Variants in TOLLIP observed in about 807,000 individuals in gnomAD.
TOLLIP encodes toll interacting protein.
TOLLIP carries 16 observed loss-of-function variants against 33.5 expected under a neutral mutation model. The observed-to-expected ratio is 0.48, with a 90% CI of 0.32 to 0.72. The LOEUF (loss-of-function observed/expected upper bound fraction) is 0.72, where lower values mean the gene tolerates loss of function less well. TOLLIP is among the 30% of genes least tolerant of loss of function. The pLI is 0.03. For synonymous variants in TOLLIP, 176 were observed against 163.7 expected (o/e 1.07, Z -0.57); for missense variants, 325 against 396.6 (o/e 0.82, Z 1.53).
rs545697334 is a variant in TOLLIP, at chr11:1,278,999, C to T, written c.611-1746G>A. On this transcript the variant is annotated intron_variant, in intron 5 of 5. Transcript: ENST00000317204. This position sits in a 1 kb window ranked among gnomAD's most constrained non-coding sequence, Gnocchi z 4.7. ...CGGCCATCGCCTGTCCCTGCCCACA[C>T]GTCTCCCCACAGCGTGGCAACATGA... Among the ~76,000 whole-genome samples the T allele has an allele frequency of 6.8e-4, 103 of 152,328 alleles. No individual in the cohort carries two copies. Among genetic ancestry groups the T allele is most frequent in the African/African-American group, 2.2e-3 (91 of 41,574 alleles).
chr11:1,278,307 C>A lies in TOLLIP; in HGVS notation c.611-1054G>T, dbSNP rs1340554956. 6.6e-6 allele frequency among the ~76,000 whole-genome samples: 1 copy of A among 152,150 alleles called. No individual in the cohort carries two copies. The highest frequency in any genetic ancestry group is 2.1e-4 in the South Asian group (1 of 4,816). On this transcript the variant is annotated intron_variant, in intron 5 of 5. Transcript: ENST00000317204. This position sits in a 1 kb window ranked among gnomAD's most constrained non-coding sequence, Gnocchi z 4.7. Reference sequence around the variant, plus strand: ...GCAGTGCAAGGGTTCACTGCTCACCCGTTCATTCACCTTTAAAAGCACGAA... The same window carrying A: ...GCAGTGCAAGGGTTCACTGCTCACCAGTTCATTCACCTTTAAAAGCACGAA...
rs368436119 is a variant in TOLLIP at position 1,276,926 on chromosome 11, A to G, written c.*113T>C. On this transcript the variant is annotated 3_prime_UTR_variant, in exon 6 of 6. Coordinates refer to ENST00000317204, the MANE Select transcript of TOLLIP (RefSeq NM_019009.4). ...ACGGGGCGGCACAGAAGTCCACGGGAGGGGGCGACACGGGTGCTCTTTCAC... is the reference window on the plus strand; with the variant it reads ...ACGGGGCGGCACAGAAGTCCACGGGGGGGGGCGACACGGGTGCTCTTTCAC... 1.9e-6 allele frequency: 3 copies of G among 1,574,918 alleles called. No individual in the cohort carries two copies. The highest frequency in any genetic ancestry group is 8.6e-7 in the Non-Finnish European group (1 of 1,160,128).
intron 4 of TOLLIP, among the ~76,000 whole-genome samples, chr11:1,286,834 T>C (rs1863717286): frequency 6.6e-6 from 1 of 152,046 alleles, no homozygotes; most frequent in Admixed American, 6.5e-5. Flanking sequence ...TGCACTGCTG[T>C]CGTCTCTGAG....
chr11:1,284,629 A>G (rs1284577737), intron 5 of TOLLIP, among the ~76,000 whole-genome samples: 3 of 152,120 alleles, frequency 2.0e-5, no homozygotes, highest in Non-Finnish European at 2.9e-5. Flanking sequence ...GATTAGAGGC[A>G]TGAGCCCCCA....
chr11:1,278,406 T>TG lies in TOLLIP; in HGVS notation c.611-1154dup, dbSNP rs1863381543. The stretch of plus-strand genomic sequence containing the variant: ...TAGGACTTTTGTTCCTTTCTACACT[T>TG]GGAGGATCCTAAAGGCAGCAGAAGC... On this transcript the variant is annotated intron_variant, in intron 5 of 5. Coordinates refer to ENST00000317204, the MANE Select transcript of TOLLIP (RefSeq NM_019009.4). The surrounding 1 kb of genome is among the most constrained non-coding windows in gnomAD (Gnocchi z 4.7). Among the ~76,000 whole-genome samples the TG allele has an allele frequency of 2.0e-5, 3 of 152,130 alleles. No homozygotes were observed.
In TOLLIP at chr11:1,282,761, C is replaced by T. The variant is rs183058617; in HGVS notation, c.610+3241G>A. Among the ~76,000 whole-genome samples the T allele has an allele frequency of 6.8e-4, 103 of 151,508 alleles. No individual in the cohort carries two copies. The East Asian group carries it at 0.019, about 28-fold the overall frequency. ...AAACCTGCACGTTGTGCACATGTACCCTAAAACTTAAAGTATAATTAAAAT... is the reference window on the plus strand; with the variant it reads ...AAACCTGCACGTTGTGCACATGTACTCTAAAACTTAAAGTATAATTAAAAT... On this transcript the variant is annotated intron_variant, in intron 5 of 5. Transcript: ENST00000317204.
At chr11:1,294,988 G>A (rs1394022036) in intron 2 of TOLLIP, among the ~76,000 whole-genome samples, 1 of 111,734 alleles carries the variant, frequency 8.9e-6, no homozygotes, top group Non-Finnish European at 1.8e-5. Context: ...GCATTTCTAC[G>A]AAAGCCCGCG....
At chr11:1,309,405 CA>C in intron 1 of TOLLIP, 60 bp downstream of exon 1, 1 of 1,060,070 alleles carries the variant, frequency 9.4e-7, no homozygotes, top group South Asian at 3.1e-5. Context: ...AGCCCTGACC[CA>C]AGGCCCCGCC....
At chr11:1,297,357 C>T (rs376895247) in intron 1 of TOLLIP, among the ~76,000 whole-genome samples, 4 of 152,174 alleles carry the variant, frequency 2.6e-5, no homozygotes, top group East Asian at 3.9e-4. Context: ...CACCTGTGTC[C>T]CCATCTAAGG....
intron 5 of TOLLIP, among the ~76,000 whole-genome samples, chr11:1,284,318 G>A (rs745892746): frequency 2.0e-5 from 3 of 151,770 alleles, no homozygotes; most frequent in Non-Finnish European, 4.4e-5. Flanking sequence ...CCTCGGTGAC[G>A]GGGTGCAGGT....
chr11:1,287,797 C>T lies in TOLLIP; in HGVS notation c.519+827G>A, dbSNP rs1198242281. 3.6e-4 allele frequency among the ~76,000 whole-genome samples: 8 copies of T among 22,472 alleles called. 2 individuals carry two copies. Among genetic ancestry groups the T allele is most frequent in the South Asian group, 5.1e-3 (2 of 396 alleles). The allele number at this position is 22,472 out of a possible 152,430, so 14.7% of individuals were successfully genotyped here. A position where few individuals can be genotyped will look rare whatever the true frequency, so the allele number is the denominator to read the frequency against. On this transcript the variant is annotated intron_variant, in intron 4 of 5. Coordinates refer to ENST00000317204, the MANE Select transcript of TOLLIP (RefSeq NM_019009.4). The stretch of plus-strand genomic sequence containing the variant: ...AGCCTCCCCGCCGCACCCTCCCTGC[C>T]GCAGCCTCCCCGCCGCAGCCTCCCC...
chr11:1,301,784 C>T (rs1184716458), intron 1 of TOLLIP, among the ~76,000 whole-genome samples: 1 of 152,202 alleles, frequency 6.6e-6, no homozygotes, highest in Non-Finnish European at 1.5e-5. Context: ...AGCTGGGACC[C>T]ACAGCAGGAA....
chr11:1,284,929 G>A (rs1863637589), intron 5 of TOLLIP, among the ~76,000 whole-genome samples: 1 of 152,162 alleles, frequency 6.6e-6, no homozygotes, highest in East Asian at 1.9e-4. Flanking sequence ...GGTGGGTCTA[G>A]GGCGAGGTCC....
intron 5 of TOLLIP, among the ~76,000 whole-genome samples, chr11:1,279,198 C>G (rs111971432): frequency 3.3e-5 from 5 of 152,262 alleles, no homozygotes; most frequent in African/African-American, 1.2e-4. Flanking sequence ...GTGGCGCCGA[C>G]TGGCCCTCAA....
rs1174741434 is a variant in TOLLIP at position 1,303,462 on chromosome 11, TG to T, written c.33+6003del. ...TGAGGTGCTGGGGCACCCCTGCTCC[TG>T]GGATGCTTACACGTGAGTGGAAGAA... On this transcript the variant is annotated intron_variant, in intron 1 of 5. Coordinates refer to ENST00000317204, the MANE Select transcript of TOLLIP (RefSeq NM_019009.4). This position sits in a 1 kb window ranked among gnomAD's most constrained non-coding sequence, Gnocchi z 4.2. Among the ~76,000 whole-genome samples the T allele has an allele frequency of 6.6e-6, 1 of 152,230 alleles. No homozygotes were observed. Among genetic ancestry groups the T allele is most frequent in the African/African-American group, 2.4e-5 (1 of 41,464 alleles).
At chr11:1,296,159 G>A (rs540132142) in intron 1 of TOLLIP, among the ~76,000 whole-genome samples, 2 of 152,370 alleles carry the variant, frequency 1.3e-5, no homozygotes, top group Admixed American at 6.5e-5. Flanking sequence ...GCTAAAGGCA[G>A]GGCCACTGAA....
rs369325002 is a variant in TOLLIP at position 1,295,720 on chromosome 11, G to A, written c.108C>T (p.Asp36=). 1.6e-5 allele frequency: 25 copies of A among 1,609,586 alleles called. No homozygotes were observed. Among genetic ancestry groups the A allele is most frequent in the South Asian group, 9.9e-5 (9 of 90,880 alleles). Reference sequence around the variant, plus strand: ...ACTGCAGCTGCTGGGCCGCCTGGGCGTCCAGCTGGACCTGCCGCTGCTGCT... The same window carrying A: ...ACTGCAGCTGCTGGGCCGCCTGGGCATCCAGCTGGACCTGCCGCTGCTGCT... ...PTQQQRQVQL[D]AQAAQQLQYG... Residue 36 remains aspartate, a synonymous_variant, in exon 2 of 6, where the codon GAC becomes GAT. Transcript: ENST00000317204.
intron 5 of TOLLIP, among the ~76,000 whole-genome samples, chr11:1,281,117 T>C (rs1863484507): frequency 6.6e-6 from 1 of 152,222 alleles, no homozygotes; most frequent in Non-Finnish European, 1.5e-5. Context: ...TATAACCACA[T>C]GATGCCTACC....
At chr11:1,282,632 A>C (rs1018366523) in intron 5 of TOLLIP, among the ~76,000 whole-genome samples, 5 of 141,516 alleles carry the variant, frequency 3.5e-5, no homozygotes, top group Admixed American at 7.0e-5. Flanking sequence ...TAATTAAGAT[A>C]AATAAATAAA....
Sources: allele counts gnomAD v4.1 joint callset (sites outside exome capture counted in the v4.1 genomes callset), GRCh38; gene constraint gnomAD v4.1.1; non-coding constraint Gnocchi (gnomAD v3.1); transcripts MANE v1.5; gene names NCBI Gene and HGNC (gene_info 2026-07-23, HGNC 2026-07-21).